The following DNAI1 variants were observed in gnomAD, a reference collection of about 807,000 sequenced individuals.
The protein encoded by DNAI1 is dynein axonemal intermediate chain 1.
DNAI1 carries 67 observed loss-of-function variants against 92.0 expected under a neutral mutation model. The observed-to-expected ratio is 0.73, with a 90% CI of 0.60 to 0.89. DNAI1 has a LOEUF of 0.89. DNAI1 is among the 40% of genes least tolerant of loss of function. The pLI, the probability that DNAI1 is intolerant of heterozygous loss-of-function variation, is 0.00. For synonymous variants in DNAI1, 323 were observed against 319.6 expected (o/e 1.01, Z -0.11); for missense variants, 839 against 866.6 (o/e 0.97, Z 0.40).
At chr9:34,490,188 G>A in intron 6 of DNAI1, 64 bp downstream of exon 6, 1 of 1,613,208 alleles carries the variant, frequency 6.2e-7, no homozygotes, top group East Asian at 2.2e-5. Flanking sequence ...GAGGCTTCAT[G>A]GGTAACTTGG....
intron 1 of DNAI1, among the ~76,000 whole-genome samples, chr9:34,472,770 T>TA (rs1429070961): frequency 6.6e-6 from 1 of 152,014 alleles, no homozygotes; most frequent in Non-Finnish European, 1.5e-5. Context: ...GGCCTGTTGG[T>TA]ACATGCCTGT....
At chr9:34,470,852 A>G (rs1824122781) in intron 1 of DNAI1, among the ~76,000 whole-genome samples, 1 of 152,194 alleles carries the variant, frequency 6.6e-6, no homozygotes, top group African/African-American at 2.4e-5. Flanking sequence ...GCATTTCAAA[A>G]GGTTAATATC....
At chr9:34,476,909 C>G (rs1359547777) in intron 1 of DNAI1, among the ~76,000 whole-genome samples, 2 of 152,158 alleles carry the variant, frequency 1.3e-5, no homozygotes, top group African/African-American at 4.8e-5. Context: ...TTGTACGTGA[C>G]TGAATGTGGC....
intron 16 of DNAI1, among the ~76,000 whole-genome samples, chr9:34,514,086 C>T (rs940018087): frequency 2.0e-4 from 31 of 152,196 alleles, no homozygotes; most frequent in African/African-American, 7.2e-4. Flanking sequence ...ACCTGCTCTG[C>T]CCTCTCTTAA....
intron 4 of DNAI1, among the ~76,000 whole-genome samples, chr9:34,486,544 AAAATGAAACC>A (rs1415637569): frequency 6.6e-6 from 1 of 152,222 alleles, no homozygotes; most frequent in African/African-American, 2.4e-5. Context: ...AAACACAGTC[AAAATGAAACC>A]TCCCTCTCTC....
intron 12 of DNAI1, among the ~76,000 whole-genome samples, chr9:34,505,962 C>A (rs1005806762): frequency 2.0e-5 from 3 of 152,204 alleles, no homozygotes; most frequent in Admixed American, 1.3e-4. Flanking sequence ...GTGGGAGGCA[C>A]TCCCTTGACA....
intron 12 of DNAI1, among the ~76,000 whole-genome samples, chr9:34,506,120 T>C (rs1169592197): frequency 2.0e-5 from 3 of 152,308 alleles, no homozygotes; most frequent in African/African-American, 7.2e-5. Context: ...GGGCTCAGGC[T>C]GAACCTGGGA....
At chr9:34,494,921 C>T (rs540943838) in intron 9 of DNAI1, among the ~76,000 whole-genome samples, 138 of 152,334 alleles carry the variant, frequency 9.1e-4, no homozygotes, top group Middle Eastern at 3.4e-3. Flanking sequence ...GTGGGAAAGG[C>T]AGTCACCTTC....
chr9:34,465,919 T>C (rs1824030709), intron 1 of DNAI1, among the ~76,000 whole-genome samples: 1 of 152,208 alleles, frequency 6.6e-6, no homozygotes, highest in Admixed American at 6.5e-5. Flanking sequence ...CTGGTTTGAG[T>C]CTCACAACGC....
At chr9:34,503,385 C>A (rs1476445975) in intron 12 of DNAI1, among the ~76,000 whole-genome samples, 4 of 152,164 alleles carry the variant, frequency 2.6e-5, no homozygotes, top group Admixed American at 1.3e-4. Context: ...GCTGGTCTCA[C>A]CAGCATCCAT....
chr9:34,482,932 C>T (rs1365929542), intron 1 of DNAI1, among the ~76,000 whole-genome samples: 1 of 152,198 alleles, frequency 6.6e-6, no homozygotes, highest in Non-Finnish European at 1.5e-5. Flanking sequence ...TAAGGCCCGG[C>T]GAGAAATCGA....
At chr9:34,511,554 A>C (rs544030431) in intron 13 of DNAI1, among the ~76,000 whole-genome samples, 2 of 152,310 alleles carry the variant, frequency 1.3e-5, no homozygotes, top group African/African-American at 4.8e-5. Context: ...GAACCTTGGC[A>C]CCCAGATTCC....
At position 34,485,458 on chromosome 9, in the gene DNAI1, C is replaced by G; in HGVS notation, c.202C>G (p.Arg68Gly). 1 of 1,614,050 alleles carries G rather than the reference C, an allele frequency of 6.2e-7. No homozygotes were observed. The highest frequency in any genetic ancestry group is 8.5e-7 in the Non-Finnish European group (1 of 1,180,016). ...TCAGGAGTTAAAGGAGGAGTTCACT[C>G]GGATTTTGACAGCCAACAACCCACA... is the stretch of plus-strand genomic sequence containing the variant. ...TDAELKEEFT[R>G]ILTANNPHAP... The change falls in exon 4 of 20, where the codon CGG (arginine) becomes GGG (glycine). Residue 68 changes from arginine to glycine, a missense_variant. Coordinates refer to ENST00000242317, the MANE Select transcript of DNAI1 (RefSeq NM_012144.4).
intron 18 of DNAI1, among the ~76,000 whole-genome samples, chr9:34,515,950 AAAG>A (rs1825163978): frequency 6.6e-6 from 1 of 152,244 alleles, no homozygotes; most frequent in Non-Finnish European, 1.5e-5. Flanking sequence ...TGTTACATTA[AAAG>A]AAGAAAGATA....
intron 13 of DNAI1, 134 bp downstream of exon 13, chr9:34,507,008 T>A (rs374771333): frequency 2.9e-5 from 40 of 1,372,382 alleles, no homozygotes; most frequent in East Asian, 2.3e-4. Flanking sequence ...CAGGTCAGGA[T>A]CTGGGTGTCA....
intron 10 of DNAI1, among the ~76,000 whole-genome samples, chr9:34,499,945 T>C (rs1035302155): frequency 2.0e-5 from 3 of 152,178 alleles, no homozygotes; most frequent in Non-Finnish European, 4.4e-5. Context: ...AAACAAGGGT[T>C]GGAGAAGGAG....
At chr9:34,482,015 T>C (rs987976905) in intron 1 of DNAI1, among the ~76,000 whole-genome samples, 2 of 152,236 alleles carry the variant, frequency 1.3e-5, no homozygotes, top group African/African-American at 2.4e-5. Flanking sequence ...AGGGCGCTGA[T>C]TGGTGCGGTT....
chr9:34,520,948 C>T lies in DNAI1; in HGVS notation c.*192C>T. The T allele has an allele frequency of 1.5e-6, 1 of 651,472 alleles. No homozygotes were observed. Among genetic ancestry groups the T allele is most frequent in the Non-Finnish European group, 2.8e-6 (1 of 362,990 alleles). 40.4% of individuals were successfully genotyped at this position (651,472 alleles called of 1,614,324 possible). On this transcript the variant is annotated 3_prime_UTR_variant, in exon 20 of 20. Transcript: ENST00000242317. ...ACTTGGTCTTCAACCACCATTACCC[C>T]TCTAACTTTGCACAAATAAACCTGT...
chr9:34,468,347 ATT>A (rs376170581), intron 1 of DNAI1, among the ~76,000 whole-genome samples: 8 of 141,968 alleles, frequency 5.6e-5, no homozygotes, highest in Non-Finnish European at 4.6e-5. Context: ...CGCCTGGCTA[ATT>A]TTTTTTTTTT....
Sources: gnomAD v4.1 joint callset for allele counts (sites outside exome capture counted in the v4.1 genomes callset) on GRCh38, gnomAD v4.1.1 for gene constraint, MANE v1.5 for transcripts, NCBI Gene and HGNC (gene_info 2026-07-23, HGNC 2026-07-21) for gene names.